Variants in PARVB observed in about 807,000 individuals in gnomAD.
PARVB encodes parvin beta.
Under a neutral mutation model 47.0 loss-of-function variants are expected in PARVB, and 46 were observed. That is an observed-to-expected ratio of 0.98 (90% CI 0.77 to 1.25). The LOEUF (loss-of-function observed/expected upper bound fraction) is 1.25, where lower values mean the gene tolerates loss of function less well. Among genes scored for constraint, PARVB ranks in the 50% most tolerant of loss-of-function variants. The probability of loss-of-function intolerance (pLI) is 0.00; values close to 1 mark genes in which losing one functional copy is unlikely to be tolerated. For missense variants in PARVB, 473 were observed against 471.6 expected (o/e 1.00, Z -0.03); for synonymous variants, 196 against 196.3 (o/e 1.00, Z 0.01).
intron 10 of PARVB, chr22:44,152,561 C>G (rs780735123): frequency 6.6e-6 from 1 of 152,284 alleles, no homozygotes; most frequent in South Asian, 2.1e-4. Flanking sequence ...CCTTCAGCCT[C>G]TGCTCAGTGC....
At chr22:44,100,455 A>G (rs1225739601) in intron 3 of PARVB, among the ~76,000 whole-genome samples, 1 of 151,834 alleles carries the variant, frequency 6.6e-6, no homozygotes, top group East Asian at 1.9e-4. Flanking sequence ...TGGAGTTGGA[A>G]CTCCGTCTGG....
intron 1 of PARVB, among the ~76,000 whole-genome samples, chr22:44,085,695 G>A (rs1412772925): frequency 6.6e-6 from 1 of 152,208 alleles, no homozygotes; most frequent in Admixed American, 6.5e-5. Flanking sequence ...AGCCTTCTGT[G>A]CCAGGTGCGA....
intron 3 of PARVB, among the ~76,000 whole-genome samples, chr22:44,100,615 G>A (rs1308610988): frequency 3.9e-5 from 6 of 152,280 alleles, no homozygotes; most frequent in South Asian, 2.1e-4. Context: ...CCAGCTGGGC[G>A]AGGAACCTGG....
chr22:44,091,637 T>C (rs1357167538), intron 1 of PARVB, among the ~76,000 whole-genome samples: 1 of 152,238 alleles, frequency 6.6e-6, no homozygotes, highest in Non-Finnish European at 1.5e-5. Context: ...ACCCATGCGG[T>C]AGCCTGGTCC....
intron 7 of PARVB, chr22:44,138,987 G>A (rs1196218584): frequency 6.6e-6 from 1 of 152,218 alleles, no homozygotes; most frequent in Non-Finnish European, 1.5e-5. Context: ...CTCTCAGGAA[G>A]GCAGTGCATG....
intron 2 of PARVB, among the ~76,000 whole-genome samples, chr22:44,017,012 A>G (rs1255988644): frequency 6.6e-6 from 1 of 152,030 alleles, no homozygotes; most frequent in African/African-American, 2.4e-5. Flanking sequence ...AGTAGCTGGG[A>G]TTACAGGTGT....
intron 2 of PARVB, among the ~76,000 whole-genome samples, chr22:44,013,024 G>C: frequency 6.6e-6 from 1 of 151,958 alleles, no homozygotes; most frequent in Non-Finnish European, 1.5e-5. Flanking sequence ...AGCCTCCCAA[G>C]TAGCTAAGAC....
intron 8 of PARVB, chr22:44,141,459 T>C (rs573317108): frequency 6.6e-6 from 1 of 152,310 alleles, no homozygotes; most frequent in Admixed American, 6.5e-5. Context: ...ACTAAGCCAG[T>C]CTAGTCTTTT....
At chr22:44,095,201 C>A (rs535111672) in intron 2 of PARVB, among the ~76,000 whole-genome samples, 45 of 152,140 alleles carry the variant, frequency 3.0e-4, no homozygotes, top group Non-Finnish European at 5.1e-4. Context: ...CCCCGAGATG[C>A]CAAGCACCAG....
intron 12 of PARVB, among the ~76,000 whole-genome samples, chr22:44,166,898 G>A (rs770492498): frequency 1.3e-5 from 2 of 152,232 alleles, no homozygotes; most frequent in African/African-American, 2.4e-5. Flanking sequence ...GGGTGCAGTG[G>A]CTGCGGTCTC....
At position 44,077,237 on chromosome 22, in the gene PARVB, C is replaced by T. The variant is rs372658717; in HGVS notation, c.113-16691C>T. ...AGGGCTCCGAGAGGATCCCCCTTGG[C>T]CTCTTCCAGGCTGTGGTGGCTCTGG... On this transcript the variant is annotated intron_variant, in intron 1 of 12. Transcript: ENST00000338758. 5.9e-5 allele frequency among the ~76,000 whole-genome samples: 9 copies of T among 152,316 alleles called. No homozygotes were observed. The South Asian group carries it at 1.9e-3, about 32-fold the overall frequency.
At chr22:44,115,465 C>A (rs1427887799) in intron 3 of PARVB, 1 of 116,958 alleles carries the variant, frequency 8.6e-6, no homozygotes, top group Admixed American at 8.0e-5. Flanking sequence ...TAAGGCCCTG[C>A]ACCAACACAG....
chr22:44,066,807 C>CCTCCTT (rs2051541626), intron 1 of PARVB, among the ~76,000 whole-genome samples: 27 of 145,828 alleles, frequency 1.9e-4, no homozygotes, highest in Non-Finnish European at 2.6e-4. Context: ...TCCTCCTCCT[C>CCTCCTT]CTCCTCCTCC....
chr22:44,147,350 ACT>A (rs967856777), intron 8 of PARVB: 2 of 271,854 alleles, frequency 7.4e-6, no homozygotes, highest in African/African-American at 4.3e-5. Flanking sequence ...GGAAGGGCTC[ACT>A]CTGCCTGCTG....
chr22:44,019,985 C>A (rs2050629211), upstream of PARVB, among the ~76,000 whole-genome samples: 1 of 151,818 alleles, frequency 6.6e-6, no homozygotes. Flanking sequence ...TCTCTCACAC[C>A]ACAAGTGTCA....
chr22:44,019,861 A>G (rs1007391782), upstream of PARVB, among the ~76,000 whole-genome samples: 29 of 152,346 alleles, frequency 1.9e-4, no homozygotes, highest in African/African-American at 6.7e-4. Flanking sequence ...ATTTGGAGTC[A>G]AATATCCAAT....
intron 1 of PARVB, among the ~76,000 whole-genome samples, chr22:44,042,288 G>T (rs1456390066): frequency 6.6e-6 from 1 of 152,228 alleles, no homozygotes; most frequent in Non-Finnish European, 1.5e-5. Flanking sequence ...AGGCCTGGTG[G>T]TGGGTGCCTG....
chr22:44,148,176 C>A, intron 9 of PARVB: 2 of 530,598 alleles, frequency 3.8e-6, no homozygotes, highest in Non-Finnish European at 3.4e-6. Context: ...ACCCAGCCCC[C>A]ATTTCTTTCT....
intron 1 of PARVB, among the ~76,000 whole-genome samples, chr22:44,027,923 A>G (rs2050758294): frequency 6.8e-6 from 1 of 147,792 alleles, no homozygotes; most frequent in Non-Finnish European, 1.5e-5. Flanking sequence ...CCATATATAT[A>G]TATATATATA....
Sources: allele counts gnomAD v4.1 joint callset (sites outside exome capture counted in the v4.1 genomes callset), GRCh38; gene constraint gnomAD v4.1.1; transcripts MANE v1.5; gene names NCBI Gene and HGNC (gene_info 2026-07-23, HGNC 2026-07-21).